The following NAV3 variants were observed in gnomAD, a reference collection of about 807,000 sequenced individuals.
NAV3 encodes the protein neuron navigator 3.
Under a neutral mutation model 244.7 loss-of-function variants are expected in NAV3, and 87 were observed. The ratio of observed to expected loss-of-function variants is 0.36; its 90% CI spans 0.30 to 0.42. The LOEUF (loss-of-function observed/expected upper bound fraction) is 0.42, where lower values mean the gene tolerates loss of function less well. Among genes scored for constraint, NAV3 ranks in the 20% least tolerant of loss-of-function variants. The probability of loss-of-function intolerance (pLI) is 1.00; values close to 1 mark genes in which losing one functional copy is unlikely to be tolerated. For missense variants in NAV3, 2,663 were observed against 2,893.3 expected (o/e 0.92, Z 1.83); for synonymous variants, 1,126 against 1,042.2 (o/e 1.08, Z -1.55).
rs186336724 is a variant in NAV3 at position 77,879,440 on chromosome 12, G to T, written c.243+47736G>T. Among the ~76,000 whole-genome samples, 634 of 152,186 alleles carry T rather than the reference G, an allele frequency of 4.2e-3. 3 individuals are homozygous for T. The highest frequency in any genetic ancestry group is 0.015 in the African/African-American group (615 of 41,510). On this transcript the variant is annotated intron_variant, in intron 1 of 39. Coordinates refer to ENST00000397909, the MANE Select transcript of NAV3 (RefSeq NM_001024383.2). ...CCTAAGACTTTGGGAGGTCCAGGCAGGTGGATCACTTGAGCGCAGGAGTTC... is the reference window on the plus strand; with the variant it reads ...CCTAAGACTTTGGGAGGTCCAGGCATGTGGATCACTTGAGCGCAGGAGTTC...
chr12:77,972,989 TAA>T (rs200580378), intron 5 of NAV3, among the ~76,000 whole-genome samples: 1 of 149,120 alleles, frequency 6.7e-6, no homozygotes. Flanking sequence ...AACATTACAG[TAA>T]AAAAAAAATA....
chr12:77,974,977 G>T (rs998838009), intron 5 of NAV3, among the ~76,000 whole-genome samples: 1 of 151,230 alleles, frequency 6.6e-6, no homozygotes, highest in South Asian at 2.1e-4. Context: ...CCTCATTACT[G>T]TTCTCCCTTT....
At chr12:78,010,800 G>A (rs1056085734) in intron 8 of NAV3, 1 of 151,888 alleles carries the variant, frequency 6.6e-6, no homozygotes, top group African/African-American at 2.4e-5. Flanking sequence ...TATATAATGG[G>A]AAGATTGATG....
chr12:77,750,430 G>A (rs534351897), intron 2 of NAV3, among the ~76,000 whole-genome samples: 1 of 152,162 alleles, frequency 6.6e-6, no homozygotes, highest in African/African-American at 2.4e-5. Flanking sequence ...TGCTTGGAAG[G>A]CTGAGGTAGG....
At chr12:78,117,157 G>GCTTATA (rs1955425128) in intron 13 of NAV3, among the ~76,000 whole-genome samples, 1 of 11,614 alleles carries the variant, frequency 8.6e-5, no homozygotes, top group Non-Finnish European at 1.4e-4. Flanking sequence ...AACAGAAGCA[G>GCTTATA]CATATATATA....
intron 2 of NAV3, among the ~76,000 whole-genome samples, chr12:77,757,547 A>C (rs1869247530): frequency 6.6e-6 from 1 of 152,232 alleles, no homozygotes. Flanking sequence ...AACCTGAAAG[A>C]AATATCTACT....
chr12:78,122,170 A>T lies in NAV3; in HGVS notation c.3980A>T (p.His1327Leu), dbSNP rs770306939. 6.2e-7 allele frequency: 1 copy of T among 1,613,896 alleles called. No individual in the cohort carries two copies. The highest frequency in any genetic ancestry group is 8.5e-7 in the Non-Finnish European group (1 of 1,179,978). The change falls in exon 16 of 40, where the codon CAC (histidine) becomes CTC (leucine). Residue 1327 changes from histidine to leucine, a missense_variant. By Grantham distance (99) the His-to-Leu change is moderately conservative (BLOSUM62 -3). This residue lies in a region of NAV3 where 354 missense variants were observed against 413.0 expected (regional missense o/e 0.86). Transcript: ENST00000397909. ...ACTACAGATGTTATAAGCTTAAGTC[A>T]CTCGTTGGCCTCCAGCCCAGCATCG... is the stretch of plus-strand genomic sequence containing the variant. ...DLTTDVISLS[H>L]SLASSPASVH...
chr12:77,750,849 C>G (rs10777396), intron 2 of NAV3, among the ~76,000 whole-genome samples: 69,746 of 151,646 alleles, frequency 0.46, 16,368 homozygotes, highest in African/African-American at 0.53. Flanking sequence ...GCACTCACAG[C>G]AAGTGATAAT....
intron 5 of NAV3, among the ~76,000 whole-genome samples, chr12:77,980,478 TATG>T (rs1228787173): frequency 2.6e-5 from 4 of 152,372 alleles, no homozygotes; most frequent in African/African-American, 9.6e-5. Flanking sequence ...TAACATATTT[TATG>T]ATGACTACAA....
At chr12:77,969,769 G>C (rs1892840191) in intron 5 of NAV3, among the ~76,000 whole-genome samples, 1 of 152,124 alleles carries the variant, frequency 6.6e-6, no homozygotes, top group Admixed American at 6.6e-5. Context: ...GCTTGAACCA[G>C]GGAGGCAGAG....
chr12:78,169,818 A>G (rs1212901917), intron 24 of NAV3, among the ~76,000 whole-genome samples: 2 of 151,940 alleles, frequency 1.3e-5, no homozygotes, highest in South Asian at 2.1e-4. Flanking sequence ...ACAGACATGG[A>G]AACAGCATTT....
At chr12:77,946,789 A>T (rs1890389475) in intron 3 of NAV3, among the ~76,000 whole-genome samples, 1 of 152,184 alleles carries the variant, frequency 6.6e-6, no homozygotes, top group Non-Finnish European at 1.5e-5. Context: ...ACACAAGTGC[A>T]AGTTTCTTAG....
intron 2 of NAV3, among the ~76,000 whole-genome samples, chr12:77,649,640 G>T (rs1872739069): frequency 6.6e-6 from 1 of 152,050 alleles, no homozygotes; most frequent in African/African-American, 2.4e-5. Context: ...ACATTATTGT[G>T]ACCTTCATAT....
chr12:77,752,914 C>CT (rs1222570869), intron 2 of NAV3, among the ~76,000 whole-genome samples: 1 of 152,120 alleles, frequency 6.6e-6, no homozygotes, highest in Non-Finnish European at 1.5e-5. Context: ...AAAGAGCAGG[C>CT]TTTGGGCATT....
intron 2 of NAV3, among the ~76,000 whole-genome samples, chr12:77,657,205 A>G (rs1287661756): frequency 6.6e-6 from 1 of 151,670 alleles, no homozygotes; most frequent in Non-Finnish European, 1.5e-5. Context: ...TAGATAGACC[A>G]CTAGCAAGAC....
At chr12:78,195,790 T>G (rs1959168385) in intron 34 of NAV3, among the ~76,000 whole-genome samples, 1 of 152,078 alleles carries the variant, frequency 6.6e-6, no homozygotes, top group Admixed American at 6.6e-5. Context: ...TTCCCTTGAC[T>G]TCTCATATCT....
intron 12 of NAV3, among the ~76,000 whole-genome samples, chr12:78,085,039 A>G (rs1229401086): frequency 1.3e-5 from 2 of 152,190 alleles, no homozygotes; most frequent in Non-Finnish European, 2.9e-5. Flanking sequence ...GGGATGGGTA[A>G]TAATCAACAT....
intron 2 of NAV3, among the ~76,000 whole-genome samples, chr12:77,650,801 C>T (rs189048092): frequency 2.9e-3 from 435 of 152,046 alleles, no homozygotes; most frequent in Non-Finnish European, 4.7e-3. Context: ...TTGTCTAAAA[C>T]AGACTTATGA....
intron 2 of NAV3, among the ~76,000 whole-genome samples, chr12:77,685,282 G>A (rs1874668093): frequency 6.6e-6 from 1 of 152,132 alleles, no homozygotes; most frequent in African/African-American, 2.4e-5. Context: ...AATTTGCTAA[G>A]CGCCTTGGAG....
Sources: gnomAD v4.1 joint callset for allele counts (sites outside exome capture counted in the v4.1 genomes callset) on GRCh38, gnomAD v4.1.1 for gene constraint, gnomAD v4.1.1 regional missense constraint, MANE v1.5 for transcripts, NCBI Gene and HGNC (gene_info 2026-07-23, HGNC 2026-07-21) for gene names.